Variants in FRMD6 observed in about 807,000 individuals in gnomAD.
The protein encoded by FRMD6 is FERM domain-containing protein 6.
A neutral mutation model predicts 73.2 loss-of-function variants in FRMD6; 37 were observed. The observed-to-expected ratio is 0.51, with a 90% CI of 0.39 to 0.66. The LOEUF (loss-of-function observed/expected upper bound fraction) is 0.66. FRMD6 is among the 30% of genes least tolerant of loss of function. FRMD6 has a pLI of 0.00. For missense variants in FRMD6, 714 were observed against 780.5 expected (o/e 0.91, Z 1.02); for synonymous variants, 273 against 282.2 (o/e 0.97, Z 0.33).
the FRMD6 span, among the ~76,000 whole-genome samples, chr14:51,405,679 A>G: frequency 2.6e-5 from 4 of 151,002 alleles, no homozygotes; most frequent in Admixed American, 6.6e-5. Flanking sequence ...TTTCTCTTGT[A>G]TATTTGTTTT....
At chr14:51,563,624 C>G (rs1265914373) in intron 1 of FRMD6, among the ~76,000 whole-genome samples, 1 of 152,064 alleles carries the variant, frequency 6.6e-6, no homozygotes, top group Non-Finnish European at 1.5e-5. Flanking sequence ...GAGCTGAGAT[C>G]ATGCCACTGC....
chr14:51,509,440 T>C (rs112579110), intron 1 of FRMD6, among the ~76,000 whole-genome samples: 5,232 of 151,848 alleles, frequency 0.034, 133 homozygotes, highest in East Asian at 0.071. Context: ...GGCAGGAGAA[T>C]GGCGTGAACC....
At chr14:51,678,976 A>G (rs1326007835) in intron 1 of FRMD6, among the ~76,000 whole-genome samples, 1 of 152,158 alleles carries the variant, frequency 6.6e-6, no homozygotes, top group Non-Finnish European at 1.5e-5. Context: ...CAGAACATGA[A>G]TTGGAAAATA....
intron 2 of FRMD6, among the ~76,000 whole-genome samples, chr14:51,613,482 A>G (rs1212688963): frequency 6.6e-6 from 1 of 152,214 alleles, no homozygotes; most frequent in East Asian, 1.9e-4. Flanking sequence ...GGATATGTGT[A>G]CTTCTAAATC....
intron 10 of FRMD6, among the ~76,000 whole-genome samples, chr14:51,716,070 A>G (rs896579387): frequency 6.6e-6 from 1 of 152,204 alleles, no homozygotes; most frequent in African/African-American, 2.4e-5. Context: ...CTTTGCTGAG[A>G]TGCAGATGAA....
At chr14:51,539,770 C>T (rs538890753) in intron 1 of FRMD6, among the ~76,000 whole-genome samples, 1 of 152,306 alleles carries the variant, frequency 6.6e-6, no homozygotes, top group South Asian at 2.1e-4. Context: ...ATCCAGCCAT[C>T]TGAGTCATTT....
At chr14:51,406,946 AT>A in the FRMD6 span, among the ~76,000 whole-genome samples, 13 of 152,128 alleles carry the variant, frequency 8.5e-5, no homozygotes, top group African/African-American at 3.1e-4. Flanking sequence ...TGCAAGTGAT[AT>A]TTACATATAG....
At chr14:51,557,832 G>A (rs1048565792) in intron 1 of FRMD6, among the ~76,000 whole-genome samples, 2 of 152,038 alleles carry the variant, frequency 1.3e-5, no homozygotes, top group African/African-American at 2.4e-5. Context: ...AGGAGGGTGA[G>A]GTTGGAAAAA....
intron 1 of FRMD6, among the ~76,000 whole-genome samples, chr14:51,662,955 G>A (rs555875807): frequency 2.4e-4 from 37 of 152,190 alleles, no homozygotes; most frequent in Non-Finnish European, 4.6e-4. Flanking sequence ...ATTAAAATGT[G>A]GGCAAATGAC....
chr14:51,615,995 C>T (rs1351923798), intron 2 of FRMD6, among the ~76,000 whole-genome samples: 1 of 152,008 alleles, frequency 6.6e-6, no homozygotes, highest in Non-Finnish European at 1.5e-5. Context: ...AAGGAAAGAT[C>T]TAGTTGAAAG....
In FRMD6 at chr14:51,727,788, T is replaced by G. The variant is rs775774952; in HGVS notation, c.1628T>G (p.Leu543Trp). The change falls in exon 14 of 14, where the codon TTG (leucine) becomes TGG (tryptophan). Residue 543 changes from leucine (L) to tryptophan (W), a missense_variant. By Grantham distance (61) the Leu-to-Trp change is moderately conservative (BLOSUM62 -2). Coordinates refer to ENST00000344768, the MANE Select transcript of FRMD6 (RefSeq NM_001267046.2). Reference protein sequence around the residue: ...KPKTSTDRHSLSLDDIRLYQK... With the variant: ...KPKTSTDRHSWSLDDIRLYQK... Reference sequence around the variant, plus strand: ...AAGACCTCCACTGATCGACACAGCTTGAGCCTCGATGACATCAGACTTTAC... The same window carrying G: ...AAGACCTCCACTGATCGACACAGCTGGAGCCTCGATGACATCAGACTTTAC... The G allele has an allele frequency of 6.2e-7, 1 of 1,612,722 alleles. No individual in the cohort carries two copies. The highest frequency in any genetic ancestry group is 8.5e-7 in the Non-Finnish European group (1 of 1,178,734).
chr14:51,549,717 T>C (rs1323431526), intron 1 of FRMD6, among the ~76,000 whole-genome samples: 2 of 144,046 alleles, frequency 1.4e-5, no homozygotes, highest in South Asian at 2.4e-4. Context: ...TGCCTCAGCC[T>C]CCCGAGTAGC....
chr14:51,631,028 AT>A (rs1462157094), intron 2 of FRMD6, among the ~76,000 whole-genome samples: 4 of 152,192 alleles, frequency 2.6e-5, no homozygotes, highest in Middle Eastern at 3.4e-3. Context: ...AGGCATTTTA[AT>A]TTTCTCCCAC....
At chr14:51,662,991 A>G (rs920942166) in intron 1 of FRMD6, among the ~76,000 whole-genome samples, 3 of 152,232 alleles carry the variant, frequency 2.0e-5, no homozygotes, top group Non-Finnish European at 2.9e-5. Flanking sequence ...AAAAGAAGAC[A>G]TGGATGCAGC....
At chr14:51,484,916 C>G (rs1882733833), upstream of FRMD6, among the ~76,000 whole-genome samples, 1 of 152,214 alleles carries the variant, frequency 6.6e-6, no homozygotes, top group Non-Finnish European at 1.5e-5. Context: ...CACAGCTACT[C>G]TCTGAGTGTC....
chr14:51,523,473 G>A (rs1374429537), intron 1 of FRMD6, among the ~76,000 whole-genome samples: 1 of 152,164 alleles, frequency 6.6e-6, no homozygotes, highest in Non-Finnish European at 1.5e-5. Context: ...AATTGTCTGT[G>A]GCTGAGGATT....
At chr14:51,510,397 C>G (rs1884229666) in intron 1 of FRMD6, among the ~76,000 whole-genome samples, 1 of 152,060 alleles carries the variant, frequency 6.6e-6, no homozygotes, top group African/African-American at 2.4e-5. Context: ...TTGTGTGGTT[C>G]TTTCTTTTTA....
intron 1 of FRMD6, among the ~76,000 whole-genome samples, chr14:51,657,309 A>G (rs1239952573): frequency 6.6e-6 from 1 of 152,212 alleles, no homozygotes; most frequent in Non-Finnish European, 1.5e-5. Flanking sequence ...GTACAGCACA[A>G]AATGATCACA....
chr14:51,724,681 A>T, intron 12 of FRMD6, among the ~76,000 whole-genome samples: 1 of 152,146 alleles, frequency 6.6e-6, no homozygotes, highest in East Asian at 1.9e-4. Context: ...GTCATTCTGT[A>T]GACTACTAGC....
Sources: gnomAD v4.1 joint callset for allele counts (sites outside exome capture counted in the v4.1 genomes callset) on GRCh38, gnomAD v4.1.1 for gene constraint, MANE v1.5 for transcripts, NCBI Gene and HGNC (gene_info 2026-07-23, HGNC 2026-07-21) for gene names.